NRG3: variants seen among roughly 807,000 people sequenced by gnomAD.
The protein encoded by NRG3 is neuregulin 3, also known as pro-neuregulin-3, membrane-bound isoform.
Under a neutral mutation model 66.9 loss-of-function variants are expected in NRG3, and 31 were observed. That is an observed-to-expected ratio of 0.46 (90% CI 0.35 to 0.63). The LOEUF (loss-of-function observed/expected upper bound fraction) is 0.63. Ranked by LOEUF, NRG3 falls within the 20% of genes least tolerant of loss-of-function variation. The pLI, the probability that NRG3 is intolerant of heterozygous loss-of-function variation, is 0.00. For synonymous variants in NRG3, 393 were observed against 359.4 expected, an observed-to-expected ratio of 1.09 and a Z score of -1.06; for missense variants, 910 against 878.9, an observed-to-expected ratio of 1.04 and a Z score of -0.45.
At chr10:82,179,476 T>A (rs1311585874) in intron 1 of NRG3, among the ~76,000 whole-genome samples, 1 of 152,054 alleles carries the variant, frequency 6.6e-6, no homozygotes, top group African/African-American at 2.4e-5. Context: ...GGATTTCCAG[T>A]TTTCTGAACA....
intron 2 of NRG3, among the ~76,000 whole-genome samples, chr10:82,697,678 T>C (rs1294037729): frequency 2.6e-5 from 4 of 152,178 alleles, no homozygotes; most frequent in African/African-American, 9.7e-5. Flanking sequence ...ATATCCTTTT[T>C]AACGTGACTT....
At chr10:82,778,028 T>C (rs1331718919) in intron 3 of NRG3, among the ~76,000 whole-genome samples, 1 of 150,812 alleles carries the variant, frequency 6.6e-6, no homozygotes, top group African/African-American at 2.4e-5. Flanking sequence ...GCCAAGGCTC[T>C]TTTTCCCTGG....
chr10:82,818,628 CTTTTTTT>C (rs1435615777), intron 3 of NRG3, among the ~76,000 whole-genome samples: 1 of 151,842 alleles, frequency 6.6e-6, no homozygotes, highest in Admixed American at 6.6e-5. Flanking sequence ...GGGAGTCTTT[CTTTTTTT>C]TCTTTGCATA....
chr10:81,895,094 G>C (rs1327783536), intron 1 of NRG3, among the ~76,000 whole-genome samples: 1 of 152,144 alleles, frequency 6.6e-6, no homozygotes, highest in Non-Finnish European at 1.5e-5. Flanking sequence ...CCAGCAGGAA[G>C]ACTCAGCACT....
rs138484864 is a variant in NRG3 at position 82,243,668 on chromosome 10, A to G, written c.824-115071A>G. On this transcript the variant is annotated intron_variant, in intron 1 of 8. Coordinates refer to ENST00000372141, the MANE Select transcript of NRG3 (RefSeq NM_001010848.4). The stretch of plus-strand genomic sequence containing the variant: ...TCTTTCGGTCTGAATTGTCATGATT[A>G]TATAAAGGTTAAGTAAATAAGTTAC... Among the ~76,000 whole-genome samples the G allele has an allele frequency of 2.0e-3, 304 of 152,336 alleles. 1 individual carries two copies. Among genetic ancestry groups the G allele is most frequent in the African/African-American group, 7.0e-3 (291 of 41,592 alleles).
At chr10:82,066,144 A>T (rs987345954) in intron 1 of NRG3, among the ~76,000 whole-genome samples, 32 of 152,300 alleles carry the variant, frequency 2.1e-4, no homozygotes, top group Admixed American at 1.2e-3. Flanking sequence ...TTTCAAATAT[A>T]ATTTTTAGTT....
intron 6 of NRG3, 59 bp downstream of exon 6, chr10:82,959,134 G>A (rs1420788867): frequency 1.3e-6 from 2 of 1,483,726 alleles, no homozygotes; most frequent in Non-Finnish European, 9.0e-7. Flanking sequence ...CCAGCTCAGA[G>A]GTGTTGGGAG....
chr10:82,402,827 T>A (rs2087210159), intron 2 of NRG3, among the ~76,000 whole-genome samples: 1 of 152,178 alleles, frequency 6.6e-6, no homozygotes, highest in African/African-American at 2.4e-5. Context: ...CAAAAATTGA[T>A]CACTGTGTTT....
intron 2 of NRG3, among the ~76,000 whole-genome samples, chr10:82,718,343 G>A (rs528390197): frequency 8.5e-5 from 13 of 152,192 alleles, no homozygotes; most frequent in African/African-American, 2.7e-4. Flanking sequence ...TGTGGTTTCC[G>A]TATACCAAGA....
chr10:82,784,596 A>G (rs2060263599), intron 3 of NRG3, among the ~76,000 whole-genome samples: 2 of 152,172 alleles, frequency 1.3e-5, no homozygotes, highest in South Asian at 4.1e-4. Flanking sequence ...CAAAAGACAT[A>G]TGAAAAAATG....
At chr10:82,624,532 T>C (rs559136482) in intron 2 of NRG3, among the ~76,000 whole-genome samples, 1 of 152,200 alleles carries the variant, frequency 6.6e-6, no homozygotes, top group South Asian at 2.1e-4. Context: ...GGTAACCTCA[T>C]ACTCTGACTT....
intron 4 of NRG3, among the ~76,000 whole-genome samples, chr10:82,913,905 T>G (rs566309036): frequency 6.6e-6 from 1 of 152,328 alleles, no homozygotes; most frequent in East Asian, 1.9e-4. Flanking sequence ...TTTCTCTTGA[T>G]TTTCCTTCTC....
At chr10:82,142,947 C>A (rs1053591335) in intron 1 of NRG3, among the ~76,000 whole-genome samples, 1 of 114,924 alleles carries the variant, frequency 8.7e-6, no homozygotes. Context: ...TTTTTGGTTT[C>A]TGGTAGAGAC....
rs374126088 is a variant in NRG3 at position 82,132,500 on chromosome 10, T to TATC, written c.824-226237_824-226236insCAT. On this transcript the variant is annotated intron_variant, in intron 1 of 8. Coordinates refer to ENST00000372141, the MANE Select transcript of NRG3 (RefSeq NM_001010848.4). ...ATATGATATATATATATGATATATA[T>TATC]ATATCATATATATATGATATATATG... Among the ~76,000 whole-genome samples the TATC allele has an allele frequency of 8.5e-5, 4 of 46,956 alleles. 1 individual carries two copies. Among genetic ancestry groups the TATC allele is most frequent in the South Asian group, 7.0e-4 (1 of 1,422 alleles). The allele number at this position is 46,956 out of a possible 152,430, so 30.8% of individuals were successfully genotyped here.
intron 2 of NRG3, among the ~76,000 whole-genome samples, chr10:82,714,498 C>G (rs906163752): frequency 2.6e-5 from 4 of 152,144 alleles, no homozygotes; most frequent in African/African-American, 9.7e-5. Context: ...AAAACAGAAA[C>G]AATGTTTTCT....
chr10:82,898,540 A>T (rs1359637251), intron 4 of NRG3, among the ~76,000 whole-genome samples: 1 of 152,064 alleles, frequency 6.6e-6, no homozygotes, highest in Non-Finnish European at 1.5e-5. Flanking sequence ...AAAATTTGGA[A>T]TGACCTTGGA....
intron 3 of NRG3, among the ~76,000 whole-genome samples, chr10:82,753,301 G>C (rs77871255): frequency 0.021 from 3,228 of 151,886 alleles, 57 homozygotes; most frequent in Non-Finnish European, 0.031. Context: ...TCTTTCCTGT[G>C]AAGTCTCTTT....
intron 1 of NRG3, among the ~76,000 whole-genome samples, chr10:82,181,205 A>G (rs915371036): frequency 2.0e-5 from 3 of 151,474 alleles, no homozygotes; most frequent in South Asian, 2.1e-4. Context: ...GAAAACAGCT[A>G]TTAGTTTTGG....
intron 2 of NRG3, among the ~76,000 whole-genome samples, chr10:82,390,079 C>A (rs1023903901): frequency 1.3e-5 from 2 of 152,136 alleles, no homozygotes; most frequent in African/African-American, 4.8e-5. Flanking sequence ...AACATACCTA[C>A]CTCAATGCGT....
Sources: allele counts gnomAD v4.1 joint callset (sites outside exome capture counted in the v4.1 genomes callset), GRCh38; gene constraint gnomAD v4.1.1; transcripts MANE v1.5; gene names NCBI Gene and HGNC (gene_info 2026-07-23, HGNC 2026-07-21).